The following TANC2 variants were observed in gnomAD, a reference collection of about 807,000 sequenced individuals.
The protein encoded by TANC2 is protein TANC2.
A neutral mutation model predicts 210.5 loss-of-function variants in TANC2; 26 were observed. That is an observed-to-expected ratio of 0.12 (90% CI 0.09 to 0.17). TANC2 has a LOEUF of 0.17. Ranked by LOEUF, TANC2 falls within the 10% of genes least tolerant of loss-of-function variation. TANC2 has a pLI of 1.00. For synonymous variants in TANC2, 931 were observed against 967.1 expected (o/e 0.96, Z 0.69); for missense variants, 2,129 against 2,608.9 (o/e 0.82, Z 4.01).
intron 7 of TANC2, among the ~76,000 whole-genome samples, chr17:63,202,954 T>C (rs1169558792): frequency 6.6e-6 from 1 of 152,172 alleles, no homozygotes; most frequent in Non-Finnish European, 1.5e-5. Context: ...CCAAATTTCT[T>C]GCTTCTGATG....
intron 1 of TANC2, among the ~76,000 whole-genome samples, chr17:62,998,466 A>G (rs1442006958): frequency 6.6e-6 from 1 of 152,208 alleles, no homozygotes; most frequent in African/African-American, 2.4e-5. Flanking sequence ...AGATCCTCCA[A>G]GGTTGAACTG....
chr17:63,302,140 A>C (rs1047984125), intron 9 of TANC2, among the ~76,000 whole-genome samples: 7 of 151,954 alleles, frequency 4.6e-5, no homozygotes, highest in Admixed American at 4.6e-4. Flanking sequence ...TGGTCTGAGA[A>C]ACTGTTTTTT....
chr17:63,416,507 G>T (rs1165440108), intron 26 of TANC2, among the ~76,000 whole-genome samples: 1 of 152,102 alleles, frequency 6.6e-6, no homozygotes, highest in Non-Finnish European at 1.5e-5. Flanking sequence ...TCATGGCCAG[G>T]GATCTTCCAG....
chr17:63,036,006 A>G (rs1598292533), intron 2 of TANC2, among the ~76,000 whole-genome samples: 2 of 152,252 alleles, frequency 1.3e-5, no homozygotes, highest in Admixed American at 6.5e-5. Context: ...GTGAAGTGTC[A>G]TCAGATCTTT....
chr17:63,383,846 T>G (rs911337169), intron 15 of TANC2, among the ~76,000 whole-genome samples: 1 of 152,176 alleles, frequency 6.6e-6, no homozygotes, highest in Non-Finnish European at 1.5e-5. Context: ...ATCAGTAGTA[T>G]TTTTGAAAAG....
chr17:63,079,650 G>A (rs2036699004), intron 3 of TANC2, among the ~76,000 whole-genome samples: 1 of 152,170 alleles, frequency 6.6e-6, no homozygotes, highest in African/African-American at 2.4e-5. Flanking sequence ...CCATATAGGT[G>A]CATACTGCCT....
rs962755713 is a variant in TANC2, at chr17:63,243,756, T to A, written c.1033+5679T>A. On this transcript the variant is annotated intron_variant, in intron 8 of 27. Transcript: ENST00000689528. ...ATGGATTTATACTCATGAGAAGACT[T>A]CAAAAAGTCCATGGAAAACATACTT... is the stretch of plus-strand genomic sequence containing the variant. 3.9e-5 allele frequency among the ~76,000 whole-genome samples: 6 copies of A among 152,276 alleles called. No homozygotes were observed. In the East Asian group the frequency reaches 9.6e-4, roughly 24 times the overall value.
chr17:63,028,708 G>T (rs1268402002), intron 2 of TANC2, among the ~76,000 whole-genome samples: 1 of 152,088 alleles, frequency 6.6e-6, no homozygotes, highest in Non-Finnish European at 1.5e-5. Flanking sequence ...GTTTTCAAGT[G>T]CCTTTAGTTC....
rs534943145 is a variant in TANC2 at position 62,976,898 on chromosome 17, T to C, written c.-24+10149T>C. On this transcript the variant is annotated intron_variant, in intron 1 of 27. Transcript: ENST00000689528. ...CTCCTTCCTTTGTTCTCCTCTGCCT[T>C]TGCCTCTTTTAAAAAGTTCCAAGTC... is the stretch of plus-strand genomic sequence containing the variant. 3.9e-5 allele frequency among the ~76,000 whole-genome samples: 6 copies of C among 152,332 alleles called. No individual in the cohort carries two copies. The South Asian group carries it at 1.2e-3, about 32-fold the overall frequency.
At chr17:63,001,496 A>G (rs1306136451) in intron 1 of TANC2, among the ~76,000 whole-genome samples, 3 of 150,814 alleles carry the variant, frequency 2.0e-5, no homozygotes, top group Admixed American at 1.3e-4. Flanking sequence ...AAGATTAATA[A>G]GACCAGGTTT....
chr17:63,009,366 A>G (rs968901462), intron 1 of TANC2, among the ~76,000 whole-genome samples, 171 bp from the exon 2 acceptor site: 1 of 152,166 alleles, frequency 6.6e-6, no homozygotes, highest in Admixed American at 6.5e-5. Flanking sequence ...AAATAAGCAC[A>G]TTATGAAGAA....
At chr17:63,058,942 A>C (rs2035900364) in intron 2 of TANC2, among the ~76,000 whole-genome samples, 2 of 152,078 alleles carry the variant, frequency 1.3e-5, no homozygotes, top group Non-Finnish European at 2.9e-5. Flanking sequence ...GTTTCATATC[A>C]ATTTTTAAAT....
intron 1 of TANC2, among the ~76,000 whole-genome samples, chr17:62,999,952 G>A (rs1479701628): frequency 6.6e-6 from 1 of 152,226 alleles, no homozygotes; most frequent in Non-Finnish European, 1.5e-5. Context: ...AGAGGAGCTG[G>A]AGGCCATTAT....
rs1462907569 is a variant in TANC2 at position 63,100,099 on chromosome 17, T to C, written c.322+742T>C. On this transcript the variant is annotated intron_variant, in intron 4 of 27. Coordinates refer to ENST00000689528, the Ensembl canonical transcript of TANC2. ...ATATCCCTGATGTCAGTAAGTTGGC[T>C]AGTATTGATGGGTTCTAAGTGCATG... Among the ~76,000 whole-genome samples the C allele has an allele frequency of 8.5e-5, 13 of 152,312 alleles. No individual in the cohort carries two copies. The East Asian group carries it at 2.5e-3, about 29-fold the overall frequency.
chr17:63,352,808 C>G (rs2046655719), intron 13 of TANC2, among the ~76,000 whole-genome samples: 1 of 151,442 alleles, frequency 6.6e-6, no homozygotes, highest in Non-Finnish European at 1.5e-5. Flanking sequence ...TTTCCACAAA[C>G]ATTTCTTAAG....
Position 63,228,691 on chromosome 17 carries a change from A to T in TANC2, c.770-9123A>T, listed in dbSNP as rs2042391389. Among the ~76,000 whole-genome samples the T allele has an allele frequency of 2.0e-5, 3 of 152,020 alleles. No individual in the cohort carries two copies. The South Asian group carries it at 6.2e-4, about 32-fold the overall frequency. The stretch of plus-strand genomic sequence containing the variant: ...CTAGGTATTTTATTCTCTTTGTAGC[A>T]ATTTTGAATGGGAGTTTATTCATGA... On this transcript the variant is annotated intron_variant, in intron 7 of 27. Transcript: ENST00000689528.
intron 2 of TANC2, among the ~76,000 whole-genome samples, chr17:63,049,684 G>A (rs2035508389): frequency 6.6e-6 from 1 of 152,160 alleles, no homozygotes; most frequent in African/African-American, 2.4e-5. Flanking sequence ...GGAGGGTTTT[G>A]AGGAGAAGAG....
intron 2 of TANC2, among the ~76,000 whole-genome samples, chr17:63,062,484 C>T (rs1348598498): frequency 6.6e-6 from 1 of 152,180 alleles, no homozygotes; most frequent in Non-Finnish European, 1.5e-5. Context: ...GGTCCAGCCT[C>T]TTCTGAACTT....
At chr17:63,227,570 G>A (rs927475069) in intron 7 of TANC2, among the ~76,000 whole-genome samples, 1 of 152,174 alleles carries the variant, frequency 6.6e-6, no homozygotes, top group African/African-American at 2.4e-5. Flanking sequence ...AGTTCACTCT[G>A]ATGATAGTTT....
Sources: gnomAD v4.1 joint callset for allele counts (sites outside exome capture counted in the v4.1 genomes callset) on GRCh38, gnomAD v4.1.1 for gene constraint, MANE v1.5 for transcripts, NCBI Gene and HGNC (gene_info 2026-07-23, HGNC 2026-07-21) for gene names.